The following IER5L variants were observed in gnomAD, a reference collection of about 807,000 sequenced individuals.
IER5L encodes the protein immediate early response gene 5-like protein.
Under a neutral mutation model 28.3 loss-of-function variants are expected in IER5L, and 6 were observed. The observed-to-expected ratio is 0.21, with a 90% CI of 0.12 to 0.42. The LOEUF (loss-of-function observed/expected upper bound fraction) is 0.42, where lower values mean the gene tolerates loss of function less well. Ranked by LOEUF, IER5L falls within the 10% of genes least tolerant of loss-of-function variation. The pLI is 1.00. For missense variants in IER5L, 607 were observed against 575.2 expected (o/e 1.06, Z -0.56); for synonymous variants, 351 against 282.5 (o/e 1.24, Z -2.43).
rs765886463 is a variant in IER5L at position 129,178,014 on chromosome 9, G to A, written c.39C>T (p.Ile13=). The A allele has an allele frequency of 1.5e-5, 24 of 1,564,492 alleles. No homozygotes were observed. Among genetic ancestry groups the A allele is most frequent in the South Asian group, 2.3e-5 (2 of 85,610 alleles). Residue 13 remains isoleucine, a synonymous_variant, in exon 1 of 1, where the codon ATC becomes ATT. Transcript: ENST00000372491. ...GGGAGCTGTGGATCTTGCGCAGGGA[G>A]ATGCTGATCAGGCTCTGGGCGTCCA... ...CALDAQSLIS[I]SLRKIHSSRT...
Position 129,178,038 on chromosome 9 carries a change from C to A in IER5L, c.15G>T (p.Leu5=). 1 of 1,507,750 alleles carries A rather than the reference C, an allele frequency of 6.6e-7. No homozygotes were observed. Among genetic ancestry groups the A allele is most frequent in the South Asian group, 1.3e-5 (1 of 79,098 alleles). 93.4% of individuals were successfully genotyped at this position (1,507,750 alleles called of 1,614,324 possible). ...AGATGCTGATCAGGCTCTGGGCGTC[C>A]AGGGCGCACTCCATGCTCCCGCGGA... MECA[L]DAQSLISISL... is the part of the protein sequence containing the mutation. The change falls in exon 1 of 1, where the codon CTG becomes CTT. Residue 5 remains leucine, a synonymous_variant. Transcript: ENST00000372491.
chr9:129,177,508 G>C lies in IER5L; in HGVS notation c.545C>G (p.Pro182Arg). 2 of 991,138 alleles carry C rather than the reference G, an allele frequency of 2.0e-6. No homozygotes were observed. The highest frequency in any genetic ancestry group is 4.4e-5 in the South Asian group (1 of 22,878). 61.4% of individuals were successfully genotyped at this position (991,138 alleles called of 1,614,324 possible). A position where few individuals can be genotyped will look rare whatever the true frequency, so the allele number is the denominator to read the frequency against. Residue 182 changes from proline (P) to arginine (R), a missense_variant, in exon 1 of 1, where the codon CCT becomes CGT. Transcript: ENST00000372491. Reference protein sequence around the residue: ...GQPLEPLQPGPAPLPLPLPPP... With the variant: ...GQPLEPLQPGRAPLPLPLPPP... Reference sequence around the variant, plus strand: ...CGGCAGCGGCAGCGGCAGCGGCGCAGGACCCGGCTGCAGAGGCTCCAAGGG... The same window carrying C: ...CGGCAGCGGCAGCGGCAGCGGCGCACGACCCGGCTGCAGAGGCTCCAAGGG...
chr9:129,177,749 C>T lies in IER5L; in HGVS notation c.304G>A (p.Ala102Thr), dbSNP rs879758630. 14 of 1,451,836 alleles carry T rather than the reference C, an allele frequency of 9.6e-6. No individual in the cohort carries two copies. The highest frequency in any genetic ancestry group is 1.3e-5 in the Non-Finnish European group (14 of 1,108,268). 89.9% of individuals were successfully genotyped at this position (1,451,836 alleles called of 1,614,324 possible). A position where few individuals can be genotyped will look rare whatever the true frequency, so the allele number is the denominator to read the frequency against. The change falls in exon 1 of 1, where the codon GCG becomes ACG. Residue 102 changes from alanine to threonine, a missense_variant. Coordinates refer to ENST00000372491, the MANE Select transcript of IER5L (RefSeq NM_203434.3). ...TGGTGCCGGGCGGCCGGCTCGCGCGCCTCCGCGTCCCCGCCGCCGCCAAGT... is the reference window on the plus strand; with the variant it reads ...TGGTGCCGGGCGGCCGGCTCGCGCGTCTCCGCGTCCCCGCCGCCGCCAAGT... ...LQLGGGGDAE[A>T]REPAARHQLH...
chr9:129,177,156 G>A lies in IER5L; in HGVS notation c.897C>T (p.Gly299=), dbSNP rs748222005. Residue 299 remains glycine (G), a synonymous_variant, in exon 1 of 1, where the codon GGC becomes GGT. Coordinates refer to ENST00000372491, the MANE Select transcript of IER5L (RefSeq NM_203434.3). The stretch of plus-strand genomic sequence containing the variant: ...GGCCAGGGTAATACTTGCGCTTGCA[G>A]CCGGCGGCGGACGCCAGGCCCGGTC... ...APGPGLASAA[G]CKRKYYPGQE... 1 of 1,470,768 alleles carries A rather than the reference G, an allele frequency of 6.8e-7. No individual in the cohort carries two copies. 91.1% of individuals were successfully genotyped at this position (1,470,768 alleles called of 1,614,324 possible).
At position 129,177,539 on chromosome 9, in the gene IER5L, C is replaced by T. The variant is rs1829431378; in HGVS notation, c.514G>A (p.Gly172Arg). 3.1e-6 allele frequency: 3 copies of T among 980,136 alleles called. No homozygotes were observed. The highest frequency in any genetic ancestry group is 1.8e-5 in the African/African-American group (1 of 56,250). The allele number at this position is 980,136 out of a possible 1,614,324, so 60.7% of individuals were successfully genotyped here. Residue 172 changes from glycine to arginine, a missense_variant, in exon 1 of 1, where the codon GGG (glycine) becomes AGG (arginine). Gly to Arg is a moderately radical substitution (Grantham distance 125). Coordinates refer to ENST00000372491, the MANE Select transcript of IER5L (RefSeq NM_203434.3). Reference protein sequence around the residue: ...LQPPHGAPHRGQPLEPLQPGP... With the variant: ...LQPPHGAPHRRQPLEPLQPGP... ...GGCTGCAGAGGCTCCAAGGGCTGCC[C>T]GCGGTGGGGCGCGCCGTGCGGCGGC... is the stretch of plus-strand genomic sequence containing the variant.
chr9:129,176,971 C>T lies in IER5L; in HGVS notation c.1082G>A (p.Gly361Asp), dbSNP rs1461328761. The change falls in exon 1 of 1, where the codon GGC becomes GAC. Residue 361 changes from glycine (G) to aspartate (D), a missense_variant. Gly to Asp is a moderately conservative substitution (Grantham distance 94). Coordinates refer to ENST00000372491, the MANE Select transcript of IER5L (RefSeq NM_203434.3). ...GCTCACCAGCCCCGAGAAGCCGGAG[C>T]CAAAGATGGAGATCAAGTTTGAGAT... Reference protein sequence around the residue: ...SNISNLISIFGSGFSGLVSRQ... With the variant: ...SNISNLISIFDSGFSGLVSRQ... The T allele has an allele frequency of 4.4e-6, 7 of 1,602,812 alleles. No individual in the cohort carries two copies. The highest frequency in any genetic ancestry group is 6.0e-6 in the Non-Finnish European group (7 of 1,176,100).
chr9:129,176,865 G>A lies in IER5L; in HGVS notation c.1188C>T (p.Ala396=). The change falls in exon 1 of 1, where the codon GCC becomes GCT. Residue 396 remains alanine, a synonymous_variant. Coordinates refer to ENST00000372491, the MANE Select transcript of IER5L (RefSeq NM_203434.3). ...CAKQALASLG[A]WTRAIVAF ...AGAAGGCGACAATGGCTCGAGTCCA[G>A]GCGCCGAGGCTGGCGAGCGCCTGCT... The A allele has an allele frequency of 6.3e-7, 1 of 1,598,258 alleles. No individual in the cohort carries two copies. Among genetic ancestry groups the A allele is most frequent in the Non-Finnish European group, 8.5e-7 (1 of 1,174,136 alleles).
Position 129,178,077 on chromosome 9 carries a change from C to T in IER5L, c.-25G>A, listed in dbSNP as rs776157976. The T allele has an allele frequency of 2.7e-5, 37 of 1,383,476 alleles. No individual in the cohort carries two copies. The highest frequency in any genetic ancestry group is 2.4e-4 in the East Asian group (8 of 33,728). 85.7% of individuals were successfully genotyped at this position (1,383,476 alleles called of 1,614,324 possible). ...TGCTCCCGCGGAGACGGCGGCGGAG[C>T]AGCCGCCGCCGCTGCTGCTGTTAAC... On this transcript the variant is annotated 5_prime_UTR_variant, in exon 1 of 1. Coordinates refer to ENST00000372491, the MANE Select transcript of IER5L (RefSeq NM_203434.3).
In IER5L at chr9:129,177,089, C is replaced by T; in HGVS notation, c.964G>A (p.Gly322Arg). 6.8e-7 allele frequency: 1 copy of T among 1,463,386 alleles called. No individual in the cohort carries two copies. The highest frequency in any genetic ancestry group is 1.4e-5 in the South Asian group (1 of 72,048). The allele number at this position is 1,463,386 out of a possible 1,614,324, so 90.7% of individuals were successfully genotyped here. A position where few individuals can be genotyped will look rare whatever the true frequency, so the allele number is the denominator to read the frequency against. The change falls in exon 1 of 1, where the codon GGG becomes AGG. Residue 322 changes from glycine to arginine, a missense_variant. Physicochemically the swap from Gly to Arg is moderately radical, Grantham distance 125. Coordinates refer to ENST00000372491, the MANE Select transcript of IER5L (RefSeq NM_203434.3). ...GGGGCGCCCCCGGGGGGCTCGGCCC[C>T]CAGCCCGCCCGCATCCTCCTCGTCG... ...EDDEEDAGGLGAEPPGGAPFA... is the reference protein window; with the variant it reads ...EDDEEDAGGLRAEPPGGAPFA...
chr9:129,177,184 G>A lies in IER5L; in HGVS notation c.869C>T (p.Pro290Leu), dbSNP rs771293492. Residue 290 changes from proline to leucine, a missense_variant, in exon 1 of 1, where the codon CCG (proline) becomes CTG (leucine). Pro to Leu is a moderately conservative substitution (Grantham distance 98). Transcript: ENST00000372491. ...GGCGGCGGACGCCAGGCCCGGTCCC[G>A]GAGCGCCCTGGCCACAGCAGGGGCA... The part of the protein sequence containing the change: ...AHCPCCGQGA[P>L]GPGLASAAGC... 47 of 1,480,086 alleles carry A rather than the reference G, an allele frequency of 3.2e-5. No homozygotes were observed. Among genetic ancestry groups the A allele is most frequent in the Non-Finnish European group, 3.8e-5 (43 of 1,121,284 alleles). The allele number at this position is 1,480,086 out of a possible 1,614,324, so 91.7% of individuals were successfully genotyped here. A position where few individuals can be genotyped will look rare whatever the true frequency, so the allele number is the denominator to read the frequency against.
At position 129,177,555 on chromosome 9, in the gene IER5L, G is replaced by C. The variant is rs1829431683; in HGVS notation, c.498C>G (p.His166Gln). 3.1e-6 allele frequency: 3 copies of C among 981,518 alleles called. No individual in the cohort carries two copies. In the African/African-American group the frequency reaches 5.3e-5, roughly 17 times the overall value. The allele number at this position is 981,518 out of a possible 1,614,324, so 60.8% of individuals were successfully genotyped here. Residue 166 changes from histidine (H) to glutamine (Q), a missense_variant, in exon 1 of 1, where the codon CAC (histidine) becomes CAG (glutamine). Transcript: ENST00000372491. ...AGGGCTGCCCGCGGTGGGGCGCGCC[G>C]TGCGGCGGCTGGAGCGCGGCGCACC... ...LPGCAALQPP[H>Q]GAPHRGQPLE...
chr9:129,175,737 C>A lies in IER5L; in HGVS notation c.*1101G>T, dbSNP rs1829383752. The A allele has an allele frequency of 1.3e-5, 2 of 152,004 alleles. No individual in the cohort carries two copies. The highest frequency in any genetic ancestry group is 2.4e-5 in the African/African-American group (1 of 41,376). The allele number at this position is 152,004 out of a possible 1,614,324, so 9.4% of individuals were successfully genotyped here. A position where few individuals can be genotyped will look rare whatever the true frequency, so the allele number is the denominator to read the frequency against. On this transcript the variant is annotated 3_prime_UTR_variant, in exon 1 of 1. Coordinates refer to ENST00000372491, the MANE Select transcript of IER5L (RefSeq NM_203434.3). The surrounding 1 kb of genome is among the most constrained non-coding windows in gnomAD (Gnocchi z 5.2). ...GGCAGAGAACCAGAGGGGCTGCAGA[C>A]GAACCCCACCTTTTTACAACAAAAG...
At position 129,177,960 on chromosome 9, in the gene IER5L, G is replaced by A. The variant is rs541428176; in HGVS notation, c.93C>T (p.His31=). The A allele has an allele frequency of 7.5e-6, 12 of 1,591,612 alleles. No homozygotes were observed. The South Asian group carries it at 1.1e-4, about 15-fold the overall frequency. ...GCACGTAGGACACCAGGAGGTTCTTGTGCAGCTTGATGCCGCCGCGCTGGG... is the reference window on the plus strand; with the variant it reads ...GCACGTAGGACACCAGGAGGTTCTTATGCAGCTTGATGCCGCCGCGCTGGG... The part of the protein sequence containing the change: ...SRTQRGGIKL[H]KNLLVSYVLR... Residue 31 remains histidine (H), a synonymous_variant, in exon 1 of 1, where the codon CAC becomes CAT. Coordinates refer to ENST00000372491, the MANE Select transcript of IER5L (RefSeq NM_203434.3).
Position 129,177,074 on chromosome 9 carries a change from C to CG in IER5L, c.978dup (p.Gly327ArgfsTer116). The CG allele has an allele frequency of 6.7e-7, 1 of 1,482,756 alleles. No individual in the cohort carries two copies. The highest frequency in any genetic ancestry group is 8.9e-7 in the Non-Finnish European group (1 of 1,117,346). The allele number at this position is 1,482,756 out of a possible 1,614,324, so 91.8% of individuals were successfully genotyped here. A position where few individuals can be genotyped will look rare whatever the true frequency, so the allele number is the denominator to read the frequency against. The stretch of plus-strand genomic sequence containing the variant: ...TTGCAGGGGGCGAACGGGGCGCCCC[C>CG]GGGGGGCTCGGCCCCCAGCCCGCCC... On this transcript the variant is annotated frameshift_variant, in exon 1 of 1. Coordinates refer to ENST00000372491, the MANE Select transcript of IER5L (RefSeq NM_203434.3). LOFTEE classifies it high-confidence loss of function.
Position 129,178,164 on chromosome 9 carries a change from CG to C in IER5L, c.-113del, listed in dbSNP as rs948525916. The C allele has an allele frequency of 3.5e-5, 33 of 937,792 alleles. No homozygotes were observed. Among genetic ancestry groups the C allele is most frequent in the Non-Finnish European group, 4.4e-5 (31 of 698,292 alleles). 58.1% of individuals were successfully genotyped at this position (937,792 alleles called of 1,614,324 possible). ...CGCGCCGGGCAGGGGTAACGGAGTC[CG>C]GGTCAGAGGTTCGGCTGCGCTCCGA... On this transcript the variant is annotated 5_prime_UTR_variant, in exon 1 of 1. Transcript: ENST00000372491.
At position 129,178,097 on chromosome 9, in the gene IER5L, G is replaced by A; in HGVS notation, c.-45C>T. The A allele has an allele frequency of 5.1e-6, 7 of 1,367,536 alleles. No homozygotes were observed. Among genetic ancestry groups the A allele is most frequent in the Non-Finnish European group, 6.6e-6 (7 of 1,056,964 alleles). The allele number at this position is 1,367,536 out of a possible 1,614,324, so 84.7% of individuals were successfully genotyped here. On this transcript the variant is annotated 5_prime_UTR_variant, in exon 1 of 1. Coordinates refer to ENST00000372491, the MANE Select transcript of IER5L (RefSeq NM_203434.3). ...CGGAGCAGCCGCCGCCGCTGCTGCT[G>A]TTAACGCTTCTGCTGTTTCTGCCTC...
chr9:129,177,879 G>A lies in IER5L; in HGVS notation c.174C>T (p.Arg58=). Residue 58 remains arginine, a synonymous_variant, in exon 1 of 1, where the codon CGC becomes CGT. Coordinates refer to ENST00000372491, the MANE Select transcript of IER5L (RefSeq NM_203434.3). ...GCTGCTGCTGTTGCTGCTGCTGCTG[G>A]CGCCGGTAGAGCTCGGCGTAGCGCT... ...LSERYAELYR[R]QQQQQQQQPP... The A allele has an allele frequency of 6.5e-7, 1 of 1,545,312 alleles. No homozygotes were observed. The highest frequency in any genetic ancestry group is 8.7e-7 in the Non-Finnish European group (1 of 1,145,880).
Position 129,177,181 on chromosome 9 carries a change from C to T in IER5L, c.872G>A (p.Gly291Glu). The change falls in exon 1 of 1, where the codon GGA (glycine) becomes GAA (glutamate). Residue 291 changes from glycine to glutamate, a missense_variant. Transcript: ENST00000372491. ...HCPCCGQGAP[G>E]PGLASAAGCK... ...GCCGGCGGCGGACGCCAGGCCCGGT[C>T]CCGGAGCGCCCTGGCCACAGCAGGG... 2.7e-6 allele frequency: 4 copies of T among 1,478,252 alleles called. No homozygotes were observed. The highest frequency in any genetic ancestry group is 2.5e-5 in the East Asian group (1 of 39,432). The allele number at this position is 1,478,252 out of a possible 1,614,324, so 91.6% of individuals were successfully genotyped here.
In IER5L at chr9:129,177,434, C is replaced by A; in HGVS notation, c.619G>T (p.Ala207Ser). 2 of 1,196,928 alleles carry A rather than the reference C, an allele frequency of 1.7e-6. No individual in the cohort carries two copies. Among genetic ancestry groups the A allele is most frequent in the Middle Eastern group, 3.3e-4 (1 of 3,036 alleles). 74.1% of individuals were successfully genotyped at this position (1,196,928 alleles called of 1,614,324 possible). A position where few individuals can be genotyped will look rare whatever the true frequency, so the allele number is the denominator to read the frequency against. ...LCPRDPRAPAACSAPPGAAPP... is the reference protein window; with the variant it reads ...LCPRDPRAPASCSAPPGAAPP... Reference sequence around the variant, plus strand: ...GCGGCCCCTGGGGGCGCGGAGCAGGCGGCCGGGGCGCGAGGGTCCCGCGGG... The same window carrying A: ...GCGGCCCCTGGGGGCGCGGAGCAGGAGGCCGGGGCGCGAGGGTCCCGCGGG... The change falls in exon 1 of 1, where the codon GCC becomes TCC. Residue 207 changes from alanine (A) to serine (S), a missense_variant. Coordinates refer to ENST00000372491, the MANE Select transcript of IER5L (RefSeq NM_203434.3).
Sources: allele counts gnomAD v4.1 joint callset, GRCh38; gene constraint gnomAD v4.1.1; non-coding constraint Gnocchi (gnomAD v3.1); transcripts MANE v1.5; gene names NCBI Gene and HGNC (gene_info 2026-07-23, HGNC 2026-07-21).